UBXN7: variants seen among roughly 807,000 people sequenced by gnomAD.
The protein encoded by UBXN7 is UBX domain-containing protein 7.
Under a neutral mutation model 58.0 loss-of-function variants are expected in UBXN7, and 9 were observed. That is an observed-to-expected ratio of 0.16 (90% CI 0.09 to 0.27). The LOEUF (loss-of-function observed/expected upper bound fraction) is 0.27. Among genes scored for constraint, UBXN7 ranks in the 10% least tolerant of loss-of-function variants. UBXN7 has a pLI of 1.00. For missense variants in UBXN7, 328 were observed against 599.6 expected (o/e 0.55, Z 4.73); for synonymous variants, 208 against 205.0 (o/e 1.01, Z -0.12).
chr3:196,360,911 G>A (rs112640601), intron 10 of UBXN7, among the ~76,000 whole-genome samples: 1,682 of 152,248 alleles, frequency 0.011, 37 homozygotes, highest in African/African-American at 0.039. Flanking sequence ...GGTGAGGCAG[G>A]AGGATCACTT....
intron 1 of UBXN7, chr3:196,432,026 TCCCCGGGC>T (rs1731077025): frequency 1.7e-5 from 9 of 537,280 alleles, no homozygotes; most frequent in Middle Eastern, 6.1e-4. Context: ...CGCCCCCGGG[TCCCCGGGC>T]CGGCGGGGGC....
At chr3:196,425,623 A>G (rs769542070) in intron 1 of UBXN7, among the ~76,000 whole-genome samples, 1 of 152,024 alleles carries the variant, frequency 6.6e-6, no homozygotes, top group Non-Finnish European at 1.5e-5. Flanking sequence ...TTTTTTTAAC[A>G]TGGCTTATAA....
intron 3 of UBXN7, among the ~76,000 whole-genome samples, chr3:196,394,749 C>A (rs1195316557): frequency 3.9e-5 from 6 of 152,142 alleles, no homozygotes; most frequent in Admixed American, 3.3e-4. Flanking sequence ...TAGAGTAACT[C>A]TACATTCTAA....
rs1038380775 is a variant in UBXN7, at chr3:196,348,668, A to G, written c.*8017T>C. The G allele has an allele frequency of 2.6e-5, 4 of 152,130 alleles. No homozygotes were observed. The highest frequency in any genetic ancestry group is 9.7e-5 in the African/African-American group (4 of 41,422). The allele number at this position is 152,130 out of a possible 1,614,324, so 9.4% of individuals were successfully genotyped here. ...CCCCCAACCCACCCTCATCATCCCT[A>G]TCCCCCTAGAAATTTCATTCCTTGA... On this transcript the variant is annotated 3_prime_UTR_variant, in exon 11 of 11. Transcript: ENST00000296328.
intron 1 of UBXN7, among the ~76,000 whole-genome samples, chr3:196,412,034 G>A (rs543355243): frequency 2.6e-5 from 4 of 151,706 alleles, no homozygotes; most frequent in African/African-American, 9.7e-5. Context: ...TTCGAGACCA[G>A]CCTGGCCAAC....
intron 6 of UBXN7, among the ~76,000 whole-genome samples, chr3:196,370,604 A>G (rs1728797068): frequency 6.6e-6 from 1 of 152,020 alleles, no homozygotes; most frequent in Non-Finnish European, 1.5e-5. Flanking sequence ...AGTTACATTA[A>G]ATTTAGGGGC....
chr3:196,389,811 T>A (rs187004922), intron 5 of UBXN7, among the ~76,000 whole-genome samples: 2 of 152,190 alleles, frequency 1.3e-5, no homozygotes, highest in African/African-American at 4.8e-5. Context: ...CAAGCTTACA[T>A]TGAAATTCCT....
intron 3 of UBXN7, chr3:196,400,025 A>C (rs544955718): frequency 3.5e-4 from 54 of 152,306 alleles, no homozygotes; most frequent in African/African-American, 1.3e-3. Flanking sequence ...AGGTGTCTAC[A>C]CTAAGCTCGA....
intron 1 of UBXN7, among the ~76,000 whole-genome samples, chr3:196,411,849 T>C (rs1730338618): frequency 6.6e-6 from 1 of 152,180 alleles, no homozygotes; most frequent in Admixed American, 6.5e-5. Flanking sequence ...GGAGTAGCTA[T>C]AGCCTTTTCT....
rs754696093 is a variant in UBXN7 at position 196,403,006 on chromosome 3, C to G, written c.235G>C (p.Ala79Pro). ...VRPHTEEEVR[A>P]PIPQKQEILV... ...ATTTCCTGCTTTTGAGGAATTGGGG[C>G]ACGAACTTCTTCTCTATTAAAAAAA... is the stretch of plus-strand genomic sequence containing the variant. The change falls in exon 3 of 11, where the codon GCC (alanine) becomes CCC (proline). Residue 79 changes from alanine (A) to proline (P), a missense_variant. By Grantham distance (27) the Ala-to-Pro change is conservative. Coordinates refer to ENST00000296328, the MANE Select transcript of UBXN7 (RefSeq NM_015562.2). The G allele has an allele frequency of 6.3e-7, 1 of 1,592,756 alleles. No individual in the cohort carries two copies. The highest frequency in any genetic ancestry group is 1.4e-5 in the African/African-American group (1 of 73,244).
At chr3:196,365,723 T>A (rs1728645286) in intron 8 of UBXN7, among the ~76,000 whole-genome samples, 2 of 152,084 alleles carry the variant, frequency 1.3e-5, no homozygotes. Context: ...ACTCTGACAA[T>A]ATAGTAAAAT....
intron 5 of UBXN7, among the ~76,000 whole-genome samples, chr3:196,374,283 C>A (rs1052974195): frequency 2.7e-5 from 4 of 148,914 alleles, no homozygotes; most frequent in Non-Finnish European, 6.0e-5. Flanking sequence ...TTTTTTTTTT[C>A]GCTTTTAAAA....
intron 1 of UBXN7, among the ~76,000 whole-genome samples, chr3:196,412,868 C>A (rs1205394908): frequency 2.0e-5 from 3 of 152,006 alleles, no homozygotes; most frequent in Non-Finnish European, 1.5e-5. Flanking sequence ...CACTAAAAAT[C>A]GAGTCAGAAA....
At chr3:196,425,708 T>C (rs1730826174) in intron 1 of UBXN7, among the ~76,000 whole-genome samples, 1 of 152,228 alleles carries the variant, frequency 6.6e-6, no homozygotes, top group African/African-American at 2.4e-5. Flanking sequence ...TTTGGAATTA[T>C]CAATTCCCTA....
At chr3:196,369,111 AC>A (rs1728749815) in intron 7 of UBXN7, among the ~76,000 whole-genome samples, 1 of 152,200 alleles carries the variant, frequency 6.6e-6, no homozygotes, top group South Asian at 2.1e-4. Context: ...GGCATGAGCC[AC>A]CACGCCCAGC....
chr3:196,420,475 G>A (rs1048652102), intron 1 of UBXN7, among the ~76,000 whole-genome samples: 1 of 151,218 alleles, frequency 6.6e-6, no homozygotes. Flanking sequence ...AGGTTGCAGT[G>A]AGCCAAGATT....
At chr3:196,372,158 C>T (rs1728852249) in intron 5 of UBXN7, 116 bp from the exon 6 acceptor site, 12 of 1,151,836 alleles carry the variant, frequency 1.0e-5, no homozygotes, top group South Asian at 5.0e-5. Flanking sequence ...TTGCCAGATA[C>T]GACATCTAGA....
At chr3:196,393,220 A>G (rs1238130221) in intron 4 of UBXN7, among the ~76,000 whole-genome samples, 2 of 152,190 alleles carry the variant, frequency 1.3e-5, no homozygotes, top group African/African-American at 2.4e-5. Context: ...CATTTTCATT[A>G]TATATTCCTT....
At chr3:196,424,789 G>A (rs551159928) in intron 1 of UBXN7, among the ~76,000 whole-genome samples, 3 of 143,102 alleles carry the variant, frequency 2.1e-5, no homozygotes, top group African/African-American at 7.8e-5. Context: ...TGCAACCTCC[G>A]CCTTCCAGGT....
Sources: gnomAD v4.1 joint callset for allele counts (sites outside exome capture counted in the v4.1 genomes callset) on GRCh38, gnomAD v4.1.1 for gene constraint, MANE v1.5 for transcripts, NCBI Gene and HGNC (gene_info 2026-07-23, HGNC 2026-07-21) for gene names.